Variants in POMGNT1 observed in about 807,000 individuals in gnomAD.
POMGNT1 encodes protein O-linked mannose N-acetylglucosaminyltransferase 1 (beta 1,2-), also known as protein O-linked-mannose beta-1,2-N-acetylglucosaminyltransferase 1.
POMGNT1 carries 67 observed loss-of-function variants against 95.6 expected under a neutral mutation model. The ratio of observed to expected loss-of-function variants is 0.70; its 90% CI spans 0.58 to 0.86. The LOEUF (loss-of-function observed/expected upper bound fraction) is 0.86, where lower values mean the gene tolerates loss of function less well. Ranked by LOEUF, POMGNT1 falls within the 40% of genes least tolerant of loss-of-function variation. The pLI is 0.00. For synonymous variants in POMGNT1, 298 were observed against 317.9 expected (o/e 0.94, Z 0.66); for missense variants, 719 against 855.2 (o/e 0.84, Z 1.99).
intron 6 of POMGNT1, 148 bp downstream of exon 6, chr1:46,195,663 A>T: frequency 1.3e-6 from 1 of 778,690 alleles, no homozygotes; most frequent in Non-Finnish European, 2.2e-6. Flanking sequence ...TTGCTGAATT[A>T]ATACAAATGT....
intron 1 of POMGNT1, among the ~76,000 whole-genome samples, chr1:46,205,470 T>C (rs990431059): frequency 6.6e-6 from 1 of 152,220 alleles, no homozygotes; most frequent in Non-Finnish European, 1.5e-5. Context: ...TTTTATGTCA[T>C]TGAAATGAGA....
At chr1:46,192,839 C>T in intron 14 of POMGNT1, 61 bp downstream of exon 14, 2 of 1,610,252 alleles carry the variant, frequency 1.2e-6, no homozygotes, top group Non-Finnish European at 1.7e-6. Context: ...TCTAGGACAC[C>T]TCACTGACTC....
rs769213562 is a variant in POMGNT1, at chr1:46,192,155, G to A, written c.1482C>T (p.Asp494=). Residue 494 remains aspartate (D), a synonymous_variant, in exon 17 of 22, where the codon GAC becomes GAT. Coordinates refer to ENST00000371984, the MANE Select transcript of POMGNT1 (RefSeq NM_017739.4). ...QRRGRECIIP[D]VSRSYHFGIV... Reference sequence around the variant, plus strand: ...TGCCAAAGTGGTAGGATCGGGAAACGTCAGGGATGATGCACTCTCGGCCCC... The same window carrying A: ...TGCCAAAGTGGTAGGATCGGGAAACATCAGGGATGATGCACTCTCGGCCCC... 41 of 1,613,988 alleles carry A rather than the reference G, an allele frequency of 2.5e-5. No individual in the cohort carries two copies. Among genetic ancestry groups the A allele is most frequent in the Non-Finnish European group, 3.1e-5 (37 of 1,179,988 alleles).
Position 46,193,519 on chromosome 1 carries a change from C to T in POMGNT1, c.1026+45G>A, listed in dbSNP as rs774456701. 15 of 1,614,094 alleles carry T rather than the reference C, an allele frequency of 9.3e-6. No homozygotes were observed. In the South Asian group the frequency reaches 1.4e-4, roughly 15 times the overall value. On this transcript the variant is annotated intron_variant, in intron 11 of 21. Transcript: ENST00000371984. The stretch of plus-strand genomic sequence containing the variant: ...TGCCCGTCCCTGGCAATCACTGCTG[C>T]TCCATGTTGTACTCCACCCGAGGCA...
chr1:46,201,095 C>T (rs767333150), upstream of POMGNT1, among the ~76,000 whole-genome samples: 1 of 152,046 alleles, frequency 6.6e-6, no homozygotes, highest in Non-Finnish European at 1.5e-5. Flanking sequence ...GGTGCCACTG[C>T]ACTCCAGCCT....
At chr1:46,194,201 C>G (rs1488870315) in intron 9 of POMGNT1, 73 bp downstream of exon 9, 41 of 1,613,136 alleles carry the variant, frequency 2.5e-5, no homozygotes, top group Middle Eastern at 1.7e-4. Flanking sequence ...AAAGCCCAAC[C>G]TAGATCATTC....
intron 1 of POMGNT1, among the ~76,000 whole-genome samples, chr1:46,206,364 G>C (rs751047917): frequency 2.6e-5 from 4 of 152,170 alleles, no homozygotes; most frequent in South Asian, 4.2e-4. Flanking sequence ...CTGGGAGCTC[G>C]GACTGGGATT....
chr1:46,203,797 C>A (rs566408215), intron 1 of POMGNT1, among the ~76,000 whole-genome samples: 1 of 152,226 alleles, frequency 6.6e-6, no homozygotes, highest in South Asian at 2.1e-4. Context: ...GGAGTGACGT[C>A]CATTACTTGT....
intron 1 of POMGNT1, among the ~76,000 whole-genome samples, chr1:46,207,143 C>T (rs61784562): frequency 3.4e-4 from 52 of 151,726 alleles, no homozygotes; most frequent in Non-Finnish European, 6.5e-4. Context: ...TGCAATGGTA[C>T]AATGTCGGTT....
Position 46,197,849 on chromosome 1 carries a change from G to C in POMGNT1, c.-28C>G. ...CGGATTGGCGGGTCACCAATGTCCT[G>C]GCCAGCCCATGACTTCAGGAATCTG... On this transcript the variant is annotated 5_prime_UTR_variant, in exon 2 of 22. Coordinates refer to ENST00000371984, the MANE Select transcript of POMGNT1 (RefSeq NM_017739.4). 2 of 1,613,262 alleles carry C rather than the reference G, an allele frequency of 1.2e-6. No individual in the cohort carries two copies. The highest frequency in any genetic ancestry group is 8.5e-7 in the Non-Finnish European group (1 of 1,179,960).
At chr1:46,215,092 G>T (rs1286570978) in intron 1 of POMGNT1, among the ~76,000 whole-genome samples, 2 of 151,898 alleles carry the variant, frequency 1.3e-5, no homozygotes, top group African/African-American at 4.8e-5. Flanking sequence ...CGGGTGTGGT[G>T]GTGGGCACCT....
intron 1 of POMGNT1, among the ~76,000 whole-genome samples, chr1:46,205,541 A>T (rs1385716720): frequency 6.6e-6 from 1 of 152,232 alleles, no homozygotes; most frequent in East Asian, 1.9e-4. Flanking sequence ...CTGAACTCAC[A>T]TAGGGAGTCA....
At chr1:46,206,442 G>A (rs1362477075) in intron 1 of POMGNT1, among the ~76,000 whole-genome samples, 2 of 152,134 alleles carry the variant, frequency 1.3e-5, no homozygotes, top group Non-Finnish European at 2.9e-5. Flanking sequence ...CCCCAGCGCT[G>A]GGCAGAGAGT....
intron 1 of POMGNT1, among the ~76,000 whole-genome samples, chr1:46,213,103 A>C (rs917589197): frequency 5.3e-5 from 8 of 152,086 alleles, no homozygotes; most frequent in African/African-American, 1.9e-4. Flanking sequence ...TCATGTGTGT[A>C]TATATGCACA....
intron 1 of POMGNT1, among the ~76,000 whole-genome samples, chr1:46,214,420 A>T (rs1040983555): frequency 6.6e-6 from 1 of 152,188 alleles, no homozygotes; most frequent in Non-Finnish European, 1.5e-5. Flanking sequence ...ACGAACTTAT[A>T]AAAATCATTA....
At chr1:46,191,643 C>CTT in intron 17 of POMGNT1, 3 of 251,952 alleles carry the variant, frequency 1.2e-5, no homozygotes, top group African/African-American at 2.2e-5. Context: ...ATTTTATCCT[C>CTT]TTTTTTTTTG....
rs185073790 is a variant in POMGNT1 at position 46,197,223 on chromosome 1, C to T, written c.121-139G>A. ...CCCTTCCTCTGTCTGCCTAGCTCTACTCCCCTGACCAGGGCCTAGTTTCAC... is the reference window on the plus strand; with the variant it reads ...CCCTTCCTCTGTCTGCCTAGCTCTATTCCCCTGACCAGGGCCTAGTTTCAC... On this transcript the variant is annotated intron_variant, in intron 2 of 21. Transcript: ENST00000371984. The T allele has an allele frequency of 1.0e-4, 157 of 1,573,504 alleles. 2 individuals are homozygous for T. In the South Asian group the frequency reaches 1.5e-3, roughly 15 times the overall value.
At chr1:46,212,425 C>G (rs540129860) in intron 1 of POMGNT1, among the ~76,000 whole-genome samples, 2 of 151,616 alleles carry the variant, frequency 1.3e-5, no homozygotes, top group Admixed American at 1.3e-4. Flanking sequence ...GGACTACAGG[C>G]GTACACTGCC....
intron 9 of POMGNT1, 62 bp downstream of exon 9, chr1:46,194,212 C>T: frequency 6.2e-7 from 1 of 1,613,796 alleles, no homozygotes; most frequent in Non-Finnish European, 8.5e-7. Context: ...TAGATCATTC[C>T]TGGGGCCCCC....
Sources: allele counts gnomAD v4.1 joint callset (sites outside exome capture counted in the v4.1 genomes callset), GRCh38; gene constraint gnomAD v4.1.1; transcripts MANE v1.5; gene names NCBI Gene and HGNC (gene_info 2026-07-23, HGNC 2026-07-21).